Variants in AR observed in about 807,000 individuals in gnomAD.
AR encodes the protein androgen receptor.
AR carries 8 observed loss-of-function variants against 53.9 expected under a neutral mutation model. That is an observed-to-expected ratio of 0.15 (90% CI 0.09 to 0.27). The LOEUF (loss-of-function observed/expected upper bound fraction) is 0.27, where lower values mean the gene tolerates loss of function less well. AR is among the 10% of genes least tolerant of loss of function. The pLI is 1.00. For missense variants in AR, 639 were observed against 742.5 expected, an observed-to-expected ratio of 0.86 and a Z score of 1.62; for synonymous variants, 359 against 316.4, an observed-to-expected ratio of 1.13 and a Z score of -1.43.
chrX:67,600,699 T>C (rs1027225957), intron 1 of AR, among the ~76,000 whole-genome samples: 11 of 111,150 alleles, frequency 9.9e-5, no homozygotes, highest in Admixed American at 3.8e-4. Flanking sequence ...ACTAAAGAGG[T>C]ATAATAGGAT....
At chrX:67,569,600 T>C (rs1921724472) in intron 1 of AR, among the ~76,000 whole-genome samples, 1 of 111,751 alleles carries the variant, frequency 8.9e-6, no homozygotes, top group Non-Finnish European at 1.9e-5. Context: ...AATGTGCCTC[T>C]GTCTCTTTTT....
chrX:67,564,780 T>G (rs1170340531), intron 1 of AR, among the ~76,000 whole-genome samples: 1 of 111,545 alleles, frequency 9.0e-6, no homozygotes, highest in Non-Finnish European at 1.9e-5. Flanking sequence ...AGTGAAATAA[T>G]TTTTTTTCTA....
chrX:67,614,278 C>T (rs1404362811), intron 1 of AR, among the ~76,000 whole-genome samples: 6 of 111,358 alleles, frequency 5.4e-5, no homozygotes, highest in African/African-American at 1.6e-4. Context: ...AACCCATATC[C>T]GAGCCTGAGG....
chrX:67,653,127 G>T (rs1242974070), intron 2 of AR, among the ~76,000 whole-genome samples: 6 of 111,743 alleles, frequency 5.4e-5, no homozygotes, highest in African/African-American at 2.0e-4. Context: ...CCTATACCGG[G>T]CACTGGGATA....
In AR at chrX:67,643,253, C is replaced by T. The variant is rs2147435735; in HGVS notation, c.1617-3C>T. On this transcript the variant is annotated splice_polypyrimidine_tract_variant and splice_region_variant and intron_variant, in intron 1 of 7. Transcript: ENST00000374690. ...GTTGCATTGGTTTTTTGTGTCTTTCCAGTTTGGAGACTGCCAGGGACCATG... is the reference window on the plus strand; with the variant it reads ...GTTGCATTGGTTTTTTGTGTCTTTCTAGTTTGGAGACTGCCAGGGACCATG... 1 of 1,211,197 alleles carries T rather than the reference C, an allele frequency of 8.3e-7. No individual in the cohort carries two copies.
rs181023159 is a variant in AR at position 67,631,727 on chromosome X, T to A, written c.1617-11529T>A. Reference sequence around the variant, plus strand: ...GGAGGAGAGGCGCTCTGCTTTTTAGTGTTTCCAGTTTTTCTGCTCTGTTTT... The same window carrying A: ...GGAGGAGAGGCGCTCTGCTTTTTAGAGTTTCCAGTTTTTCTGCTCTGTTTT... On this transcript the variant is annotated intron_variant, in intron 1 of 7. Coordinates refer to ENST00000374690, the MANE Select transcript of AR (RefSeq NM_000044.6). 3.0e-3 allele frequency among the ~76,000 whole-genome samples: 327 copies of A among 109,902 alleles called. 1 individual carries two copies. Among genetic ancestry groups the A allele is most frequent in the African/African-American group, 0.01 (311 of 30,383 alleles).
chrX:67,712,889 T>C (rs1459302648), intron 4 of AR, among the ~76,000 whole-genome samples: 2 of 112,597 alleles, frequency 1.8e-5, no homozygotes, highest in Non-Finnish European at 3.8e-5. Flanking sequence ...ATTTTGTATG[T>C]ATTACCTGAA....
At chrX:67,719,820 TGCCA>T (rs768319897) in intron 5 of AR, among the ~76,000 whole-genome samples, 2 of 112,197 alleles carry the variant, frequency 1.8e-5, no homozygotes, top group South Asian at 7.5e-4. Flanking sequence ...AACTAATCCC[TGCCA>T]GCCTTCCTAA....
chrX:67,623,172 C>A (rs947095579), intron 1 of AR, among the ~76,000 whole-genome samples: 1 of 110,376 alleles, frequency 9.1e-6, no homozygotes, highest in South Asian at 3.9e-4. Flanking sequence ...ACCACCCCCC[C>A]GCCCCCATAA....
In AR at chrX:67,545,053, A is replaced by G; in HGVS notation, c.-94A>G. The G allele has an allele frequency of 9.2e-7, 1 of 1,085,130 alleles. No individual in the cohort carries two copies. The highest frequency in any genetic ancestry group is 1.2e-6 in the Non-Finnish European group (1 of 826,116). The allele number at this position is 1,085,130 out of a possible 1,213,427, so 89.4% of individuals were successfully genotyped here. ...CGCAGGTGGGCAGCTAGCTGCAGCG[A>G]CTACCGCATCATCACAGCCTGTTGA... On this transcript the variant is annotated 5_prime_UTR_variant, in exon 1 of 8. Coordinates refer to ENST00000374690, the MANE Select transcript of AR (RefSeq NM_000044.6).
At chrX:67,650,406 A>T (rs1365333535) in intron 2 of AR, among the ~76,000 whole-genome samples, 1 of 112,019 alleles carries the variant, frequency 8.9e-6, no homozygotes, top group Non-Finnish European at 1.9e-5. Flanking sequence ...TTGCTGGGTG[A>T]CTATCAAACT....
At chrX:67,584,986 T>G (rs1157984589) in intron 1 of AR, among the ~76,000 whole-genome samples, 2 of 111,823 alleles carry the variant, frequency 1.8e-5, no homozygotes, top group Non-Finnish European at 3.8e-5. Context: ...CCAGGCGCAG[T>G]GGCTCACGAC....
chrX:67,651,302 C>G (rs1487667510), intron 2 of AR, among the ~76,000 whole-genome samples: 1 of 109,397 alleles, frequency 9.1e-6, no homozygotes. Context: ...CCACCTCAGC[C>G]TCCCAAAGTG....
intron 4 of AR, 150 bp from the exon 5 acceptor site, chrX:67,717,328 C>A: frequency 1.4e-6 from 1 of 729,135 alleles, no homozygotes; most frequent in Non-Finnish European, 2.1e-6. Flanking sequence ...TGTGCTTTTC[C>A]CCACCACCCC....
chrX:67,706,353 A>G (rs775037682), intron 3 of AR, among the ~76,000 whole-genome samples: 1 of 111,795 alleles, frequency 8.9e-6, no homozygotes, highest in Admixed American at 9.5e-5. Flanking sequence ...AAGAGATTCA[A>G]CTTCCTCCTA....
chrX:67,711,929 G>A (rs2076095660), intron 4 of AR, among the ~76,000 whole-genome samples: 1 of 112,277 alleles, frequency 8.9e-6, no homozygotes, highest in Non-Finnish European at 1.9e-5. Context: ...ATGCACAGCA[G>A]TCATGCTTTC....
At chrX:67,580,495 A>T (rs766713711) in intron 1 of AR, among the ~76,000 whole-genome samples, 5 of 111,685 alleles carry the variant, frequency 4.5e-5, no homozygotes, top group African/African-American at 1.6e-4. Flanking sequence ...TGTTACTATT[A>T]TTCTGGCCAC....
At chrX:67,585,801 G>A (rs1922514940) in intron 1 of AR, among the ~76,000 whole-genome samples, 1 of 112,226 alleles carries the variant, frequency 8.9e-6, no homozygotes, top group East Asian at 2.8e-4. Context: ...GAACACTGTT[G>A]TACCCAAAGC....
At chrX:67,703,546 T>C (rs1372567424) in intron 3 of AR, among the ~76,000 whole-genome samples, 1 of 111,962 alleles carries the variant, frequency 8.9e-6, no homozygotes, top group Non-Finnish European at 1.9e-5. Flanking sequence ...AGAAAGATTC[T>C]CTCACTTCTT....
Sources: allele counts gnomAD v4.1 joint callset (sites outside exome capture counted in the v4.1 genomes callset), GRCh38; gene constraint gnomAD v4.1.1; transcripts MANE v1.5; gene names NCBI Gene and HGNC (gene_info 2026-07-23, HGNC 2026-07-21).